SOX6: variants seen among roughly 807,000 people sequenced by gnomAD.
The protein encoded by SOX6 is transcription factor SOX-6.
A neutral mutation model predicts 97.8 loss-of-function variants in SOX6; 11 were observed. The observed-to-expected ratio is 0.11, with a 90% CI of 0.07 to 0.19. SOX6 has a LOEUF of 0.19. Ranked by LOEUF, SOX6 falls within the 10% of genes least tolerant of loss-of-function variation. The pLI is 1.00. For synonymous variants in SOX6, 360 were observed against 371.4 expected (o/e 0.97, Z 0.35); for missense variants, 810 against 1,039.5 (o/e 0.78, Z 3.04).
intron 1 of SOX6, among the ~76,000 whole-genome samples, chr11:16,437,317 C>G (rs1372497504): frequency 6.6e-6 from 1 of 151,564 alleles, no homozygotes; most frequent in African/African-American, 2.4e-5. Flanking sequence ...ATTCTCTCTC[C>G]TGAACTATTT....
chr11:16,183,882 T>C lies in SOX6; in HGVS notation c.777+4A>G. ...ATCAGACGAGAGTAATAAAATACAC[T>C]GACCTGGATCTGTTGCTGCAGGAGA... On this transcript the variant is annotated splice_donor_region_variant and intron_variant, in intron 6 of 15. Transcript: ENST00000683767. The C allele has an allele frequency of 6.2e-7, 1 of 1,611,980 alleles. No individual in the cohort carries two copies. Among genetic ancestry groups the C allele is most frequent in the Non-Finnish European group, 8.5e-7 (1 of 1,178,404 alleles).
At chr11:16,519,486 T>G (rs1176721369) in intron 4 of SOX6, among the ~76,000 whole-genome samples, 1 of 152,164 alleles carries the variant, frequency 6.6e-6, no homozygotes, top group East Asian at 1.9e-4. Context: ...GCATAATGGC[T>G]TCCATCTAGT....
chr11:16,337,042 T>C (rs964526843), intron 2 of SOX6, among the ~76,000 whole-genome samples: 2 of 152,170 alleles, frequency 1.3e-5, no homozygotes, highest in Non-Finnish European at 2.9e-5. Flanking sequence ...AAGACTTCTT[T>C]ATTGTCTGCC....
chr11:15,990,797 A>G (rs1854026374), intron 13 of SOX6, among the ~76,000 whole-genome samples: 1 of 152,206 alleles, frequency 6.6e-6, no homozygotes, highest in South Asian at 2.1e-4. Flanking sequence ...AATATACATT[A>G]AAACCAACAT....
Position 16,455,750 on chromosome 11 carries a change from CATTT to C in SOX6, c.-5+20561_-5+20564del, listed in dbSNP as rs1346503269. Among the ~76,000 whole-genome samples the C allele has an allele frequency of 1.4e-4, 21 of 152,038 alleles. No individual in the cohort carries two copies. In the East Asian group the frequency reaches 4.1e-3, roughly 29 times the overall value. The stretch of plus-strand genomic sequence containing the variant: ...ATTGGCATTTTAATACAAGAAGATA[CATTT>C]ATTTCCCCCATGAAAGTAATTTTTA... On this transcript the variant is annotated intron_variant, in intron 1 of 15. Transcript: ENST00000396356.
intron 6 of SOX6, among the ~76,000 whole-genome samples, chr11:16,158,780 C>T (rs1361493957): frequency 1.3e-5 from 2 of 151,894 alleles, no homozygotes; most frequent in Non-Finnish European, 2.9e-5. Flanking sequence ...TGACTACACA[C>T]TTTTTCAATT....
At chr11:16,275,807 T>G (rs192073551) in intron 3 of SOX6, among the ~76,000 whole-genome samples, 11 of 152,304 alleles carry the variant, frequency 7.2e-5, no homozygotes, top group Non-Finnish European at 1.3e-4. Context: ...TTCAAGTACT[T>G]CTTAGCTTTC....
intron 1 of SOX6, among the ~76,000 whole-genome samples, chr11:16,416,717 C>A (rs1459889781): frequency 6.6e-6 from 1 of 152,122 alleles, no homozygotes; most frequent in East Asian, 1.9e-4. Flanking sequence ...ATTATTCATT[C>A]AACAAATATT....
intron 4 of SOX6, among the ~76,000 whole-genome samples, chr11:16,191,155 T>A (rs572708700): frequency 6.6e-6 from 1 of 152,144 alleles, no homozygotes; most frequent in Non-Finnish European, 1.5e-5. Context: ...ATTAACTCTA[T>A]ATAGAAAATA....
chr11:16,000,262 G>A (rs193261414), intron 13 of SOX6, among the ~76,000 whole-genome samples: 78 of 152,290 alleles, frequency 5.1e-4, no homozygotes, highest in African/African-American at 1.7e-3. Flanking sequence ...ATTCCATGGC[G>A]GAGCAAGAGC....
rs184392085 is a variant in SOX6 at position 16,621,596 on chromosome 11, T to A, written n.430-9336A>T. On this transcript the variant is annotated intron_variant and non_coding_transcript_variant, in intron 3 of 5. Coordinates refer to the SOX6 transcript ENST00000524520. ...TATAGTTTTGTATTCATTGGCTATGTACATGTAGATACTATGCTAAACAAG... is the reference window on the plus strand; with the variant it reads ...TATAGTTTTGTATTCATTGGCTATGAACATGTAGATACTATGCTAAACAAG... Among the ~76,000 whole-genome samples the A allele has an allele frequency of 9.2e-5, 14 of 152,324 alleles. No homozygotes were observed. In the East Asian group the frequency reaches 9.6e-4, roughly 10 times the overall value.
intron 4 of SOX6, among the ~76,000 whole-genome samples, chr11:16,545,422 A>C (rs995960918): frequency 6.6e-6 from 1 of 152,122 alleles, no homozygotes; most frequent in Non-Finnish European, 1.5e-5. Flanking sequence ...CTTCATGATA[A>C]AAACTCTCAA....
chr11:16,352,433 CTAGAAGT>C (rs1394820628), intron 1 of SOX6, among the ~76,000 whole-genome samples: 1 of 152,032 alleles, frequency 6.6e-6, no homozygotes, highest in Admixed American at 6.6e-5. Context: ...TAGAGCAACT[CTAGAAGT>C]TAAATAATGT....
chr11:16,425,140 C>T (rs189348890), intron 1 of SOX6, among the ~76,000 whole-genome samples: 2 of 152,200 alleles, frequency 1.3e-5, no homozygotes, highest in Non-Finnish European at 2.9e-5. Context: ...TGCTAGTTCC[C>T]CTTTAGCATT....
chr11:16,628,392 G>A (rs1388964498), intron 3 of SOX6, among the ~76,000 whole-genome samples: 2 of 152,152 alleles, frequency 1.3e-5, no homozygotes, highest in African/African-American at 4.8e-5. Context: ...AGGAGGCCGA[G>A]GTGGGTGGAT....
intron 4 of SOX6, among the ~76,000 whole-genome samples, chr11:16,218,536 T>A (rs1013227724): frequency 5.9e-5 from 9 of 152,110 alleles, no homozygotes; most frequent in Admixed American, 3.9e-4. Flanking sequence ...AATATTTTAC[T>A]CATAAAAATA....
At chr11:16,499,435 A>C (rs957454144) in intron 4 of SOX6, among the ~76,000 whole-genome samples, 1 of 152,238 alleles carries the variant, frequency 6.6e-6, no homozygotes, top group Non-Finnish European at 1.5e-5. Flanking sequence ...AAAAGCTAGC[A>C]GAAGGCAAGA....
intron 1 of SOX6, among the ~76,000 whole-genome samples, chr11:16,396,514 T>C (rs1321258741): frequency 6.6e-6 from 1 of 151,660 alleles, no homozygotes; most frequent in Non-Finnish European, 1.5e-5. Context: ...AAATGCTAAT[T>C]TGAATTGTTT....
intron 9 of SOX6, among the ~76,000 whole-genome samples, chr11:16,085,255 G>A (rs1848552601): frequency 6.6e-6 from 1 of 152,122 alleles, no homozygotes; most frequent in Non-Finnish European, 1.5e-5. Flanking sequence ...GGCAATCCCA[G>A]TATGGTGAGG....
Sources: gnomAD v4.1 joint callset for allele counts (sites outside exome capture counted in the v4.1 genomes callset) on GRCh38, gnomAD v4.1.1 for gene constraint, MANE v1.5 for transcripts, NCBI Gene and HGNC (gene_info 2026-07-23, HGNC 2026-07-21) for gene names.